PCM1: variants seen among roughly 807,000 people sequenced by gnomAD.
PCM1 encodes the protein pericentriolar material 1.
A neutral mutation model predicts 241.9 loss-of-function variants in PCM1; 157 were observed. The ratio of observed to expected loss-of-function variants is 0.65; its 90% CI spans 0.57 to 0.74. The LOEUF (loss-of-function observed/expected upper bound fraction) is 0.74, where lower values mean the gene tolerates loss of function less well. Ranked by LOEUF, PCM1 falls within the 30% of genes least tolerant of loss-of-function variation. The probability of loss-of-function intolerance (pLI) is 0.00; values close to 1 mark genes in which losing one functional copy is unlikely to be tolerated. For synonymous variants in PCM1, 1,085 were observed against 784.9 expected, an observed-to-expected ratio of 1.38 and a Z score of -6.39; for missense variants, 3,478 against 2,360.1, an observed-to-expected ratio of 1.47 and a Z score of -9.81.
chr8:17,949,424 C>T (rs1357868222), intron 7 of PCM1, among the ~76,000 whole-genome samples: 1 of 151,730 alleles, frequency 6.6e-6, no homozygotes, highest in Non-Finnish European at 1.5e-5. Flanking sequence ...TTGAAATTCT[C>T]AGTTCTCAGT....
chr8:17,930,138 C>A (rs1041924856), intron 2 of PCM1, among the ~76,000 whole-genome samples: 2 of 136,210 alleles, frequency 1.5e-5, no homozygotes, highest in Non-Finnish European at 3.1e-5. Flanking sequence ...GAGTCTCGCT[C>A]TTCCGCCCAG....
In PCM1 at chr8:18,006,414, G is replaced by T. The variant is rs773344479; in HGVS notation, c.4962+17G>T. ...ATATTACAGGTAAGAGTTTATACTT[G>T]TATGATTTACCAATATGTACTGTGT... On this transcript the variant is annotated intron_variant, in intron 30 of 38. Coordinates refer to ENST00000325083, the MANE Select transcript of PCM1 (RefSeq NM_006197.4). 2.5e-6 allele frequency: 4 copies of T among 1,575,320 alleles called. No individual in the cohort carries two copies. Among genetic ancestry groups the T allele is most frequent in the Admixed American group, 1.7e-5 (1 of 59,758 alleles).
chr8:17,997,102 C>T (rs1231014063), intron 29 of PCM1, among the ~76,000 whole-genome samples: 1 of 151,790 alleles, frequency 6.6e-6, no homozygotes, highest in Admixed American at 6.6e-5. Flanking sequence ...TGAAATCCCT[C>T]AGCTTTTGTC....
chr8:17,982,307 C>T (rs1216558204), intron 24 of PCM1, among the ~76,000 whole-genome samples: 1 of 151,956 alleles, frequency 6.6e-6, no homozygotes, highest in African/African-American at 2.4e-5. Context: ...CGGTAGAGGT[C>T]GAAGAAGGAC....
rs1293557163 is a variant in PCM1, at chr8:17,972,453, A to G, written c.3709A>G (p.Ser1237Gly). Reference protein sequence around the residue: ...GFSVSVEKSTSSNRKNQLDTN... With the variant: ...GFSVSVEKSTGSNRKNQLDTN... ...TTCAGTGTCTGTAGAAAAATCTACA[A>G]GTAGTAACCGCAAAAATCAATTAGA... is the stretch of plus-strand genomic sequence containing the variant. Residue 1237 changes from serine to glycine, a missense_variant, in exon 23 of 39, where the codon AGT becomes GGT. Ser to Gly is a moderately conservative substitution (Grantham distance 56). Coordinates refer to ENST00000325083, the MANE Select transcript of PCM1 (RefSeq NM_006197.4). 1.2e-6 allele frequency: 2 copies of G among 1,613,422 alleles called. No homozygotes were observed. The highest frequency in any genetic ancestry group is 2.2e-5 in the East Asian group (1 of 44,878).
intron 9 of PCM1, among the ~76,000 whole-genome samples, chr8:17,954,180 C>CA (rs1388033082): frequency 6.6e-6 from 1 of 152,184 alleles, no homozygotes; most frequent in East Asian, 1.9e-4. Context: ...GTAATCCCAG[C>CA]ACCTTGGGAG....
intron 10 of PCM1, among the ~76,000 whole-genome samples, 160 bp from the exon 11 acceptor site, chr8:17,956,444 A>G (rs1183665549): frequency 6.6e-6 from 1 of 152,118 alleles, no homozygotes; most frequent in Admixed American, 6.5e-5. Flanking sequence ...CTTGGCATTA[A>G]CCTCATTATT....
chr8:17,969,622 C>G lies in PCM1; in HGVS notation c.3458C>G (p.Ser1153Cys), dbSNP rs2076187173. ...TTTCCTTCTAATTTTGGAGATTTTT[C>G]TCAGAATATCTCTACACCCAGTGAA... ...PLFPSNFGDF[S>C]QNISTPSEQQ... Residue 1153 changes from serine (S) to cysteine (C), a missense_variant, in exon 22 of 39, where the codon TCT becomes TGT. Transcript: ENST00000325083. 4 of 1,609,890 alleles carry G rather than the reference C, an allele frequency of 2.5e-6. No homozygotes were observed. The highest frequency in any genetic ancestry group is 3.4e-6 in the Non-Finnish European group (4 of 1,178,122).
At chr8:17,998,940 C>T (rs1332779485) in intron 29 of PCM1, among the ~76,000 whole-genome samples, 2 of 152,170 alleles carry the variant, frequency 1.3e-5, no homozygotes, top group African/African-American at 4.8e-5. Context: ...GTGGCTACCA[C>T]TGTGACCACC....
At position 17,938,735 on chromosome 8, in the gene PCM1, T is replaced by A. The variant is rs546895510; in HGVS notation, c.343-5T>A. ...TGTGTGATTTGATTTCTTTTTCATA[T>A]ATAGAGAAGCATTGGAAGTGATTCC... On this transcript the variant is annotated splice_polypyrimidine_tract_variant and splice_region_variant and intron_variant, in intron 4 of 38. Coordinates refer to ENST00000325083, the MANE Select transcript of PCM1 (RefSeq NM_006197.4). The A allele has an allele frequency of 6.2e-7, 1 of 1,604,796 alleles. No individual in the cohort carries two copies. Among genetic ancestry groups the A allele is most frequent in the Admixed American group, 1.7e-5 (1 of 59,744 alleles).
intron 24 of PCM1, among the ~76,000 whole-genome samples, chr8:17,984,910 T>C (rs1352405008): frequency 6.6e-6 from 1 of 151,966 alleles, no homozygotes; most frequent in Non-Finnish European, 1.5e-5. Flanking sequence ...ACAGATTTGG[T>C]TACTCATCAT....
chr8:17,947,158 T>A (rs765795825), intron 6 of PCM1, 28 bp from the exon 7 acceptor site: 18 of 1,468,330 alleles, frequency 1.2e-5, no homozygotes, highest in Non-Finnish European at 1.7e-5. Flanking sequence ...AATAGTCAGA[T>A]ACAAGTATTG....
chr8:18,019,133 C>T (rs915408284), intron 36 of PCM1, among the ~76,000 whole-genome samples: 9 of 151,960 alleles, frequency 5.9e-5, no homozygotes, highest in African/African-American at 2.2e-4. Flanking sequence ...GAAGAACCAG[C>T]AATATACTTG....
chr8:18,010,972 C>G (rs376155243), intron 32 of PCM1, among the ~76,000 whole-genome samples: 1 of 151,792 alleles, frequency 6.6e-6, no homozygotes, highest in Non-Finnish European at 1.5e-5. Context: ...GACTGTGCCT[C>G]AAAAAAATAA....
rs11333913 is a variant in PCM1 at position 18,029,156 on chromosome 8, C to CAAAA, written c.*1517_*1520dup. The stretch of plus-strand genomic sequence containing the variant: ...CTGGCAACAGAGCGAGACTCTGTCT[C>CAAAA]AAAAAAAAAAAAAAAAAAAAAAAAA... On this transcript the variant is annotated 3_prime_UTR_variant, in exon 39 of 39. Transcript: ENST00000325083. 4.4e-3 allele frequency: 246 copies of CAAAA among 56,376 alleles called. 18 individuals are homozygous for CAAAA. The highest frequency in any genetic ancestry group is 0.016 in the African/African-American group (216 of 13,584). 3.5% of individuals were successfully genotyped at this position (56,376 alleles called of 1,614,324 possible).
intron 7 of PCM1, among the ~76,000 whole-genome samples, chr8:17,949,125 A>T (rs2065028988): frequency 6.6e-6 from 1 of 152,194 alleles, no homozygotes; most frequent in Non-Finnish European, 1.5e-5. Flanking sequence ...TAGGAGTATA[A>T]TGCACATGAG....
chr8:17,934,503 C>T (rs539850545), intron 2 of PCM1, among the ~76,000 whole-genome samples: 1 of 151,190 alleles, frequency 6.6e-6, no homozygotes, highest in South Asian at 2.1e-4. Flanking sequence ...TCAAGTGATC[C>T]GCTTACCTCA....
chr8:17,939,571 A>G (rs987912849), intron 5 of PCM1, 120 bp from the exon 6 acceptor site: 2 of 495,124 alleles, frequency 4.0e-6, no homozygotes, highest in East Asian at 3.2e-5. Context: ...CAATAATCCA[A>G]GTGTCTTTGG....
chr8:17,983,867 A>G (rs2081764929), intron 24 of PCM1, among the ~76,000 whole-genome samples: 2 of 152,292 alleles, frequency 1.3e-5, no homozygotes, highest in South Asian at 2.1e-4. Context: ...GCCAGTTTGA[A>G]TGGAACCTTT....
Sources: gnomAD v4.1 joint callset for allele counts (sites outside exome capture counted in the v4.1 genomes callset) on GRCh38, gnomAD v4.1.1 for gene constraint, MANE v1.5 for transcripts, NCBI Gene and HGNC (gene_info 2026-07-23, HGNC 2026-07-21) for gene names.